CSMD1: variants seen among roughly 807,000 people sequenced by gnomAD.
The protein encoded by CSMD1 is CUB and Sushi multiple domains 1, also known as CUB and sushi domain-containing protein 1.
CSMD1 carries 213 observed loss-of-function variants against 417.5 expected under a neutral mutation model. The observed-to-expected ratio is 0.51, with a 90% CI of 0.46 to 0.57. CSMD1 has a LOEUF of 0.57. Among genes scored for constraint, CSMD1 ranks in the 20% least tolerant of loss-of-function variants. CSMD1 has a pLI of 0.00. For synonymous variants in CSMD1, 2,862 were observed against 1,736.8 expected, an observed-to-expected ratio of 1.65 and a Z score of -16.11; for missense variants, 6,923 against 4,529.7, an observed-to-expected ratio of 1.53 and a Z score of -15.17.
At chr8:3,179,832 T>C (rs562171539) in intron 37 of CSMD1, among the ~76,000 whole-genome samples, 11 of 152,376 alleles carry the variant, frequency 7.2e-5, no homozygotes, top group African/African-American at 2.2e-4. Context: ...AGTATCATTT[T>C]ATACTGTCAC....
At chr8:3,593,305 G>A (rs1375989678) in intron 8 of CSMD1, among the ~76,000 whole-genome samples, 2 of 152,208 alleles carry the variant, frequency 1.3e-5, no homozygotes, top group East Asian at 3.9e-4. Context: ...CCCAGCTGTG[G>A]CCTCATGGAG....
chr8:3,045,278 A>T (rs1221811838), intron 50 of CSMD1, among the ~76,000 whole-genome samples: 1 of 152,232 alleles, frequency 6.6e-6, no homozygotes, highest in Non-Finnish European at 1.5e-5. Context: ...TTTGCTGTTT[A>T]ACAACCATTT....
At chr8:3,777,785 A>T (rs1965930) in intron 5 of CSMD1, among the ~76,000 whole-genome samples, 4 of 96,152 alleles carry the variant, frequency 4.2e-5, no homozygotes, top group South Asian at 3.3e-4. Context: ...CTCCAGACCC[A>T]CAGCCTCCTT....
chr8:4,091,651 T>C (rs984586971), intron 3 of CSMD1, among the ~76,000 whole-genome samples: 7 of 151,972 alleles, frequency 4.6e-5, no homozygotes, highest in African/African-American at 1.7e-4. Flanking sequence ...CCACAACGAG[T>C]TCTTCAAAAT....
intron 5 of CSMD1, among the ~76,000 whole-genome samples, chr8:3,850,355 C>G (rs370383125): frequency 1.3e-5 from 2 of 152,208 alleles, no homozygotes; most frequent in Non-Finnish European, 2.9e-5. Context: ...CTATCCTTGC[C>G]TTTTCTCTTT....
chr8:3,832,064 A>C (rs923723128), intron 5 of CSMD1, among the ~76,000 whole-genome samples: 2 of 152,192 alleles, frequency 1.3e-5, no homozygotes, highest in Non-Finnish European at 2.9e-5. Flanking sequence ...AGCCCTTCTT[A>C]ATCAAGACTG....
At chr8:4,283,572 C>A (rs546722424) in intron 3 of CSMD1, among the ~76,000 whole-genome samples, 1 of 152,116 alleles carries the variant, frequency 6.6e-6, no homozygotes, top group Non-Finnish European at 1.5e-5. Flanking sequence ...AGTTAAAAGT[C>A]TTCAACATGT....
At chr8:3,198,706 G>A (rs1563135059) in intron 33 of CSMD1, among the ~76,000 whole-genome samples, 1 of 152,140 alleles carries the variant, frequency 6.6e-6, no homozygotes, top group South Asian at 2.1e-4. Flanking sequence ...TTCCCAATTT[G>A]AGATGATTAG....
At chr8:4,378,608 C>G (rs1238997133) in intron 3 of CSMD1, among the ~76,000 whole-genome samples, 1 of 152,140 alleles carries the variant, frequency 6.6e-6, no homozygotes, top group African/African-American at 2.4e-5. Context: ...AAAAAGGATG[C>G]TAAAACAAGA....
intron 3 of CSMD1, among the ~76,000 whole-genome samples, chr8:4,216,853 A>T: frequency 6.6e-6 from 1 of 152,184 alleles, no homozygotes. Flanking sequence ...TGTCAGACCC[A>T]CACCAGCTTG....
chr8:3,502,988 T>C (rs1796670770), intron 10 of CSMD1, among the ~76,000 whole-genome samples: 1 of 152,082 alleles, frequency 6.6e-6, no homozygotes, highest in South Asian at 2.1e-4. Flanking sequence ...TGTGCATGTG[T>C]GGGGGCAGGG....
chr8:4,217,029 G>A (rs1266612615), intron 3 of CSMD1, among the ~76,000 whole-genome samples: 2 of 152,154 alleles, frequency 1.3e-5, no homozygotes, highest in Non-Finnish European at 2.9e-5. Context: ...TAAAGGATAA[G>A]TCTTTGATGC....
At chr8:3,316,844 T>C (rs1221347996) in intron 23 of CSMD1, among the ~76,000 whole-genome samples, 1 of 152,008 alleles carries the variant, frequency 6.6e-6, no homozygotes, top group Admixed American at 6.6e-5. Flanking sequence ...CACAAGTATA[T>C]TCGTATTTCA....
At chr8:4,614,609 G>A (rs1167216843) in intron 2 of CSMD1, among the ~76,000 whole-genome samples, 1 of 152,032 alleles carries the variant, frequency 6.6e-6, no homozygotes, top group African/African-American at 2.4e-5. Flanking sequence ...AGTCCGCTGA[G>A]TATGACCACA....
chr8:3,586,122 C>G lies in CSMD1; in HGVS notation c.1222+14G>C. 1 of 1,608,024 alleles carries G rather than the reference C, an allele frequency of 6.2e-7. No individual in the cohort carries two copies. The highest frequency in any genetic ancestry group is 1.7e-4 in the Middle Eastern group (1 of 6,020). On this transcript the variant is annotated intron_variant, in intron 9 of 69. Transcript: ENST00000635120. ...AAGAGATAATCCAGGCTTTACCCAC[C>G]GCAGGTGCCTTACCTCGGCAGATGG...
intron 12 of CSMD1, among the ~76,000 whole-genome samples, chr8:3,419,512 AT>A (rs1813356721): frequency 6.6e-6 from 1 of 152,206 alleles, no homozygotes; most frequent in South Asian, 2.1e-4. Flanking sequence ...AACTCTATGT[AT>A]TTGTGTTTGC....
intron 1 of CSMD1, among the ~76,000 whole-genome samples, chr8:4,659,266 G>C (rs927456358): frequency 1.3e-5 from 1 of 75,850 alleles, no homozygotes; most frequent in Non-Finnish European, 2.2e-5. Context: ...TAAAAAAGAA[G>C]AAAAGATCAA....
chr8:3,959,922 G>A (rs978696103), intron 5 of CSMD1, among the ~76,000 whole-genome samples: 1 of 152,196 alleles, frequency 6.6e-6, no homozygotes, highest in Non-Finnish European at 1.5e-5. Flanking sequence ...GGTATTCCCT[G>A]AAGCCCTGTA....
rs146740953 is a variant in CSMD1 at position 4,248,720 on chromosome 8, G to C, written c.415+171233C>G. Among the ~76,000 whole-genome samples, 81 of 152,120 alleles carry C rather than the reference G, an allele frequency of 5.3e-4. 1 individual carries two copies. The highest frequency in any genetic ancestry group is 1.5e-3 in the African/African-American group (62 of 41,518). On this transcript the variant is annotated intron_variant, in intron 3 of 69. Transcript: ENST00000635120. The stretch of plus-strand genomic sequence containing the variant: ...ACACTTGTATCCTGCTCTTCTTTTT[G>C]GGTGATCTCTATCAACTGACATTAC...
Sources: allele counts gnomAD v4.1 joint callset (sites outside exome capture counted in the v4.1 genomes callset), GRCh38; gene constraint gnomAD v4.1.1; transcripts MANE v1.5; gene names NCBI Gene and HGNC (gene_info 2026-07-23, HGNC 2026-07-21).